Variants in PLCG2 observed in about 807,000 individuals in gnomAD.
The protein encoded by PLCG2 is 1-phosphatidylinositol 4,5-bisphosphate phosphodiesterase gamma-2.
In PLCG2, 69 loss-of-function variants were observed where a neutral mutation model predicts 175.6. The ratio of observed to expected loss-of-function variants is 0.39; its 90% confidence interval spans 0.32 to 0.48. PLCG2 has a LOEUF of 0.48. Among genes scored for constraint, PLCG2 ranks in the 20% least tolerant of loss-of-function variants. The pLI, the probability that PLCG2 is intolerant of heterozygous loss-of-function variation, is 0.91. For missense variants in PLCG2, 1,798 were observed against 1,650.9 expected (o/e 1.09, Z -1.54); for synonymous variants, 827 against 624.0 (o/e 1.33, Z -4.85).
intron 2 of PLCG2, among the ~76,000 whole-genome samples, chr16:81,786,410 C>T (rs1287535134): frequency 2.0e-5 from 3 of 152,186 alleles, no homozygotes; most frequent in Admixed American, 2.0e-4. Flanking sequence ...AAGCTGAGGT[C>T]AGCCAACATG....
chr16:81,898,005 T>G, intron 13 of PLCG2: 1 of 374,140 alleles, frequency 2.7e-6, no homozygotes, highest in Non-Finnish European at 5.4e-6. Flanking sequence ...TGTGGGGTCC[T>G]AGCCCTTCTA....
intron 2 of PLCG2, among the ~76,000 whole-genome samples, chr16:81,820,459 T>A (rs1904745003): frequency 6.6e-6 from 1 of 152,230 alleles, no homozygotes; most frequent in Non-Finnish European, 1.5e-5. Flanking sequence ...TTGTGTGATG[T>A]TCTCAAGGTT....
chr16:81,894,686 A>G (rs952412877), intron 12 of PLCG2, among the ~76,000 whole-genome samples: 1 of 152,166 alleles, frequency 6.6e-6, no homozygotes, highest in South Asian at 2.1e-4. Flanking sequence ...CAGTCTGGCC[A>G]ACATGGCGAA....
Position 81,863,247 on chromosome 16 carries a change from GTC to G in PLCG2, c.479+4090_479+4091del, listed in dbSNP as rs1420407111. On this transcript the variant is annotated intron_variant, in intron 5 of 32. Transcript: ENST00000564138. ...CCTGGAAATCACCACTCTACTGTCT[GTC>G]TCTCTGGATTGGATTGCTCCAGGTA... 3.3e-5 allele frequency among the ~76,000 whole-genome samples: 5 copies of G among 152,330 alleles called. No homozygotes were observed. The East Asian group carries it at 9.6e-4, about 29-fold the overall frequency.
chr16:81,791,180 G>T (rs866477620), intron 2 of PLCG2, among the ~76,000 whole-genome samples: 1 of 152,204 alleles, frequency 6.6e-6, no homozygotes, highest in Non-Finnish European at 1.5e-5. Flanking sequence ...GCCCTTGCAA[G>T]ATTGTGTGCT....
Position 81,768,690 on chromosome 16 carries a change from C to T in PLCG2, c.-48+12724C>T, listed in dbSNP as rs141435517. Among the ~76,000 whole-genome samples, 255 of 151,454 alleles carry T rather than the reference C, an allele frequency of 1.7e-3. 1 individual carries two copies. The highest frequency in any genetic ancestry group is 3.4e-3 in the Middle Eastern group (1 of 292). On this transcript the variant is annotated intron_variant, in intron 2 of 5. Coordinates refer to the PLCG2 transcript ENST00000565054. ...AAGCGACCCTCCTGCCTCAGCCTTCCGAGTAGCTGGGATTACAGGTTTCCC... is the reference window on the plus strand; with the variant it reads ...AAGCGACCCTCCTGCCTCAGCCTTCTGAGTAGCTGGGATTACAGGTTTCCC...
intron 5 of PLCG2, among the ~76,000 whole-genome samples, chr16:81,863,433 G>C (rs1424711493): frequency 6.6e-6 from 1 of 152,164 alleles, no homozygotes; most frequent in Non-Finnish European, 1.5e-5. Flanking sequence ...ACCACATTTT[G>C]CTTATCTACT....
At chr16:81,927,494 AAC>A in intron 23 of PLCG2, among the ~76,000 whole-genome samples, 1 of 152,182 alleles carries the variant, frequency 6.6e-6, no homozygotes, top group Non-Finnish European at 1.5e-5. Flanking sequence ...TTGCAGATGA[AAC>A]ACATTTATAT....
chr16:81,932,024 G>T (rs1158105549), intron 25 of PLCG2, among the ~76,000 whole-genome samples: 1 of 152,224 alleles, frequency 6.6e-6, no homozygotes, highest in African/African-American at 2.4e-5. Flanking sequence ...CCTCCTGACA[G>T]AAAACGTTCA....
chr16:81,761,524 T>TC (rs1350160647), intron 2 of PLCG2, among the ~76,000 whole-genome samples: 1 of 152,094 alleles, frequency 6.6e-6, no homozygotes, highest in African/African-American at 2.4e-5. Flanking sequence ...TAGGTTAGAG[T>TC]CATATGTCTT....
intron 2 of PLCG2, among the ~76,000 whole-genome samples, chr16:81,799,773 T>A (rs891010112): frequency 1.3e-5 from 2 of 151,462 alleles, no homozygotes; most frequent in Non-Finnish European, 2.9e-5. Flanking sequence ...TTTTGTATTT[T>A]TAGTGGAGAT....
intron 13 of PLCG2, 74 bp downstream of exon 13, chr16:81,896,001 C>T (rs1042360633): frequency 2.6e-6 from 4 of 1,554,372 alleles, no homozygotes; most frequent in African/African-American, 1.4e-5. Context: ...GATGGACAGA[C>T]AGGCAAACAC....
intron 5 of PLCG2, among the ~76,000 whole-genome samples, chr16:81,865,337 C>T (rs1004864234): frequency 2.6e-5 from 4 of 152,202 alleles, no homozygotes; most frequent in Admixed American, 2.0e-4. Flanking sequence ...TGGTTTTGGT[C>T]GGGCTGTGCA....
intron 1 of PLCG2, among the ~76,000 whole-genome samples, chr16:81,784,380 T>C (rs1910876795): frequency 6.6e-6 from 1 of 152,232 alleles, no homozygotes; most frequent in South Asian, 2.1e-4. Flanking sequence ...CAGCTGCCCC[T>C]TGTGGGCATT....
In PLCG2 at chr16:81,901,552, C is replaced by T. The variant is rs559564934; in HGVS notation, c.1362+772C>T. Among the ~76,000 whole-genome samples the T allele has an allele frequency of 8.5e-5, 13 of 152,242 alleles. No homozygotes were observed. In the East Asian group the frequency reaches 1.2e-3, roughly 14 times the overall value. ...GTTTCACAGACCCCCGAAGAATCCA[C>T]GGTTAGAATCAGAGGGGCACGTGAA... On this transcript the variant is annotated intron_variant, in intron 14 of 32. Coordinates refer to ENST00000564138, the MANE Select transcript of PLCG2 (RefSeq NM_002661.5).
rs1286450210 is a variant in PLCG2 at position 81,960,625 on chromosome 16, G to C, written c.*2627G>C. On this transcript the variant is annotated 3_prime_UTR_variant, in exon 33 of 33. Transcript: ENST00000564138. The stretch of plus-strand genomic sequence containing the variant: ...GTCTTGTTTTCCAAATTCGATCTCA[G>C]AATCTTTTTGCCAGAAGTGTCTCAT... 1 of 231,308 alleles carries C rather than the reference G, an allele frequency of 4.3e-6. No homozygotes were observed. The highest frequency in any genetic ancestry group is 8.6e-6 in the Non-Finnish European group (1 of 116,890). 14.3% of individuals were successfully genotyped at this position (231,308 alleles called of 1,614,324 possible).
chr16:81,769,664 A>G (rs867194898), intron 2 of PLCG2, among the ~76,000 whole-genome samples: 2 of 151,916 alleles, frequency 1.3e-5, no homozygotes, highest in Middle Eastern at 6.8e-3. Flanking sequence ...AAAAATACAA[A>G]AAAAAATTAG....
chr16:81,748,873 G>C (rs753699198), intron 1 of PLCG2, among the ~76,000 whole-genome samples: 1 of 152,226 alleles, frequency 6.6e-6, no homozygotes, highest in Non-Finnish European at 1.5e-5. Context: ...GAGGCTCAGA[G>C]AGGCTCGGTG....
chr16:81,820,072 A>G lies in PLCG2; in HGVS notation c.193+33890A>G, dbSNP rs536896070. 8.5e-5 allele frequency among the ~76,000 whole-genome samples: 13 copies of G among 152,296 alleles called. No individual in the cohort carries two copies. In the South Asian group the frequency reaches 2.3e-3, roughly 27 times the overall value. On this transcript the variant is annotated intron_variant, in intron 2 of 32. Transcript: ENST00000564138. ...CTTTTCTGTGAAGATGTCCTATTTC[A>G]TCTTTAAGGATTATGATCTTTTAGG... is the stretch of plus-strand genomic sequence containing the variant.
Sources: gnomAD v4.1 joint callset for allele counts (sites outside exome capture counted in the v4.1 genomes callset) on GRCh38, gnomAD v4.1.1 for gene constraint, MANE v1.5 for transcripts, NCBI Gene and HGNC (gene_info 2026-07-23, HGNC 2026-07-21) for gene names.